MDGA2: variants seen among roughly 807,000 people sequenced by gnomAD.
MDGA2 encodes the protein MAM domain containing glycosylphosphatidylinositol anchor 2.
MDGA2 carries 40 observed loss-of-function variants against 117.8 expected under a neutral mutation model. The observed-to-expected ratio is 0.34, with a 90% confidence interval of 0.26 to 0.44. The LOEUF (loss-of-function observed/expected upper bound fraction) is 0.44, where lower values mean the gene tolerates loss of function less well. Among genes scored for constraint, MDGA2 ranks in the 20% least tolerant of loss-of-function variants. The probability of loss-of-function intolerance (pLI) is 1.00; values close to 1 mark genes in which losing one functional copy is unlikely to be tolerated. For synonymous variants in MDGA2, 452 were observed against 439.0 expected, an observed-to-expected ratio of 1.03 and a Z score of -0.37; for missense variants, 1,123 against 1,250.6, an observed-to-expected ratio of 0.90 and a Z score of 1.54.
intron 1 of MDGA2, among the ~76,000 whole-genome samples, chr14:47,419,860 G>A (rs558330569): frequency 7.9e-5 from 12 of 152,086 alleles, no homozygotes; most frequent in African/African-American, 2.9e-4. Context: ...TCTTTTTATT[G>A]AGGTAGTCAT....
chr14:47,042,390 T>G (rs1230958449), intron 7 of MDGA2, among the ~76,000 whole-genome samples: 1 of 149,862 alleles, frequency 6.7e-6, no homozygotes, highest in Non-Finnish European at 1.5e-5. Flanking sequence ...AAGAGATGGG[T>G]TAAAAAAATT....
intron 7 of MDGA2, among the ~76,000 whole-genome samples, chr14:47,039,954 T>G (rs981585911): frequency 6.6e-6 from 1 of 152,140 alleles, no homozygotes; most frequent in African/African-American, 2.4e-5. Context: ...ATAAGGAATA[T>G]GTTAACTTGC....
At chr14:46,899,972 G>GA (rs1425524477) in intron 10 of MDGA2, among the ~76,000 whole-genome samples, 1 of 151,686 alleles carries the variant, frequency 6.6e-6, no homozygotes. Flanking sequence ...ACTTAGAAAA[G>GA]AAAAAAATAA....
chr14:47,149,343 T>A (rs575417005), intron 3 of MDGA2, among the ~76,000 whole-genome samples: 1 of 152,222 alleles, frequency 6.6e-6, no homozygotes, highest in East Asian at 1.9e-4. Flanking sequence ...TTGTGACAAC[T>A]AAGAACTACC....
chr14:47,602,588 T>C (rs1896668189), intron 1 of MDGA2, among the ~76,000 whole-genome samples: 1 of 152,150 alleles, frequency 6.6e-6, no homozygotes, highest in Non-Finnish European at 1.5e-5. Flanking sequence ...TCAAAAACTA[T>C]TTACAGTAAG....
At chr14:47,214,138 G>C (rs1885998686) in intron 3 of MDGA2, among the ~76,000 whole-genome samples, 1 of 152,032 alleles carries the variant, frequency 6.6e-6, no homozygotes. Context: ...TTGACACGTG[G>C]AGATTATGGT....
intron 1 of MDGA2, among the ~76,000 whole-genome samples, chr14:47,588,719 GT>G (rs1413820448): frequency 6.6e-6 from 1 of 151,764 alleles, no homozygotes; most frequent in Non-Finnish European, 1.5e-5. Flanking sequence ...AGCACAAATG[GT>G]TCAATTCTAA....
intron 9 of MDGA2, among the ~76,000 whole-genome samples, chr14:46,921,555 G>T (rs1227578634): frequency 6.0e-5 from 9 of 150,970 alleles, no homozygotes; most frequent in Non-Finnish European, 1.3e-4. Flanking sequence ...GGAGGCAGAG[G>T]TTGCAGTGAG....
intron 9 of MDGA2, among the ~76,000 whole-genome samples, chr14:46,932,809 CT>C (rs879594531): frequency 2.1e-3 from 303 of 145,628 alleles, no homozygotes; most frequent in African/African-American, 4.6e-3. Flanking sequence ...AACATTATGT[CT>C]TTTTTTTTTT....
At chr14:47,251,790 C>T (rs1471520575) in intron 2 of MDGA2, among the ~76,000 whole-genome samples, 1 of 152,158 alleles carries the variant, frequency 6.6e-6, no homozygotes, top group Non-Finnish European at 1.5e-5. Flanking sequence ...GATTAAAAAA[C>T]ACAATCAACA....
At chr14:47,472,871 T>C (rs908373185) in intron 1 of MDGA2, among the ~76,000 whole-genome samples, 19 of 152,138 alleles carry the variant, frequency 1.2e-4, no homozygotes, top group Non-Finnish European at 1.2e-4. Flanking sequence ...AGTTTATACA[T>C]GAAGGGTGAT....
At chr14:47,126,257 C>T (rs1881896693) in intron 5 of MDGA2, among the ~76,000 whole-genome samples, 1 of 151,926 alleles carries the variant, frequency 6.6e-6, no homozygotes. Context: ...CCCTTTTCAT[C>T]CAAATATGAG....
At chr14:47,276,089 G>C (rs979589254) in intron 2 of MDGA2, among the ~76,000 whole-genome samples, 14 of 152,226 alleles carry the variant, frequency 9.2e-5, no homozygotes, top group African/African-American at 3.4e-4. Context: ...TGCAGTGGTA[G>C]TAGTTTGTCA....
chr14:47,336,971 T>G (rs973001623), intron 1 of MDGA2, among the ~76,000 whole-genome samples: 1 of 152,006 alleles, frequency 6.6e-6, no homozygotes, highest in African/African-American at 2.4e-5. Context: ...CATTTCTTCT[T>G]TTCACATTCA....
At chr14:47,544,233 G>A (rs565175119) in intron 1 of MDGA2, among the ~76,000 whole-genome samples, 5 of 152,172 alleles carry the variant, frequency 3.3e-5, no homozygotes, top group Admixed American at 2.0e-4. Flanking sequence ...ATGAGACTAC[G>A]TGTGTAAGCT....
chr14:47,335,745 T>TACACATAC (rs77837591), intron 1 of MDGA2, among the ~76,000 whole-genome samples: 51,612 of 95,724 alleles, frequency 0.54, 14,371 homozygotes, highest in Admixed American at 0.69. Flanking sequence ...TATATATATA[T>TACACATAC]ATACATACAT....
At chr14:47,050,231 C>G (rs1272324257) in intron 7 of MDGA2, among the ~76,000 whole-genome samples, 1 of 151,970 alleles carries the variant, frequency 6.6e-6, no homozygotes, top group Non-Finnish European at 1.5e-5. Flanking sequence ...CAATAAAAGT[C>G]AGGCCTACGC....
chr14:46,868,541 G>A (rs140964445), intron 14 of MDGA2, among the ~76,000 whole-genome samples: 52 of 151,994 alleles, frequency 3.4e-4, no homozygotes, highest in South Asian at 3.3e-3. Context: ...AGCCAGAGGG[G>A]CATATATCCT....
intron 1 of MDGA2, among the ~76,000 whole-genome samples, chr14:47,457,128 T>G (rs1203670047): frequency 6.6e-6 from 1 of 152,212 alleles, no homozygotes; most frequent in Non-Finnish European, 1.5e-5. Flanking sequence ...ATAATTGTAC[T>G]GATGGTAAAT....
Sources: gnomAD v4.1 joint callset for allele counts (sites outside exome capture counted in the v4.1 genomes callset) on GRCh38, gnomAD v4.1.1 for gene constraint, MANE v1.5 for transcripts, NCBI Gene and HGNC (gene_info 2026-07-23, HGNC 2026-07-21) for gene names.